Variants in KALRN observed in about 807,000 individuals in gnomAD.
KALRN encodes kalirin RhoGEF kinase, also known as kalirin.
In KALRN, 70 loss-of-function variants were observed where a neutral mutation model predicts 353.7. That is an observed-to-expected ratio of 0.20 (90% CI 0.16 to 0.24). The LOEUF is 0.24. Among genes scored for constraint, KALRN ranks in the 10% least tolerant of loss-of-function variants. The pLI is 1.00. For missense variants in KALRN, 2,791 were observed against 3,756.7 expected (o/e 0.74, Z 6.72); for synonymous variants, 1,391 against 1,434.8 (o/e 0.97, Z 0.69).
chr3:124,142,853 TCTC>T (rs1451089267), intron 1 of KALRN, among the ~76,000 whole-genome samples: 13 of 152,072 alleles, frequency 8.5e-5, no homozygotes, highest in Admixed American at 7.9e-4. Flanking sequence ...TACTCCTCCT[TCTC>T]CTCCTCCTCC....
chr3:124,229,655 A>G (rs2078945081), intron 2 of KALRN, among the ~76,000 whole-genome samples: 1 of 152,260 alleles, frequency 6.6e-6, no homozygotes, highest in African/African-American at 2.4e-5. Context: ...GTTAAGCAGC[A>G]GTTGTCTCCC....
chr3:124,439,170 C>CTTT, intron 18 of KALRN, 133 bp downstream of exon 18: 5 of 752,046 alleles, frequency 6.6e-6, no homozygotes, highest in Non-Finnish European at 2.1e-6. Flanking sequence ...TCTTTCTCCT[C>CTTT]CTCCTCCTTC....
chr3:124,395,681 AG>A (rs1426836622), intron 12 of KALRN: 8 of 296,720 alleles, frequency 2.7e-5, no homozygotes, highest in Non-Finnish European at 5.2e-5. Context: ...GCAGAGAAAT[AG>A]ACATTATGGA....
intron 38 of KALRN, among the ~76,000 whole-genome samples, chr3:124,653,095 C>T (rs1442861010): frequency 6.6e-6 from 1 of 152,184 alleles, no homozygotes; most frequent in Admixed American, 6.5e-5. Flanking sequence ...TACTATATCT[C>T]ATCCTTATTC....
chr3:124,347,929 A>T (rs938004404), intron 10 of KALRN, among the ~76,000 whole-genome samples: 1 of 152,230 alleles, frequency 6.6e-6, no homozygotes, highest in Non-Finnish European at 1.5e-5. Flanking sequence ...TTATACAAAG[A>T]TGTTGTATGA....
chr3:124,674,828 AT>A lies in KALRN; in HGVS notation c.7193+219del, dbSNP rs2086968132. On this transcript the variant is annotated intron_variant, in intron 49 of 59. Coordinates refer to ENST00000682506, the MANE Select transcript of KALRN (RefSeq NM_001388419.1). ...AGTTTTTTAGTTGGTGGTGGCGATG[AT>A]TTTTCTTTCCTTTTGGTTTATAATT... is the stretch of plus-strand genomic sequence containing the variant. 3 of 434,070 alleles carry A rather than the reference AT, an allele frequency of 6.9e-6. No individual in the cohort carries two copies. The South Asian group carries it at 2.4e-4, about 34-fold the overall frequency. The allele number at this position is 434,070 out of a possible 1,614,324, so 26.9% of individuals were successfully genotyped here.
intron 34 of KALRN, among the ~76,000 whole-genome samples, chr3:124,580,615 A>G (rs1246483414): frequency 6.6e-6 from 1 of 152,192 alleles, no homozygotes; most frequent in African/African-American, 2.4e-5. Context: ...CTGGTCACAT[A>G]TCTGATGTGG....
rs535102543 is a variant in KALRN at position 124,725,157 on chromosome 3, A to G, written c.*5687A>G. 6.6e-6 allele frequency: 1 copy of G among 152,358 alleles called. No individual in the cohort carries two copies. Among genetic ancestry groups the G allele is most frequent in the South Asian group, 2.1e-4 (1 of 4,826 alleles). 9.4% of individuals were successfully genotyped at this position (152,358 alleles called of 1,614,324 possible). On this transcript the variant is annotated 3_prime_UTR_variant, in exon 60 of 60. Transcript: ENST00000682506. Reference sequence around the variant, plus strand: ...CTGACTTCCATCAACAACTGAATCCATGTTCTGGAGTATTACAGAGACTGT... The same window carrying G: ...CTGACTTCCATCAACAACTGAATCCGTGTTCTGGAGTATTACAGAGACTGT...
In KALRN at chr3:124,302,847, G is replaced by A. The variant is rs538507014; in HGVS notation, c.1092+3934G>A. Among the ~76,000 whole-genome samples the A allele has an allele frequency of 3.9e-5, 6 of 152,254 alleles. No homozygotes were observed. In the South Asian group the frequency reaches 1.2e-3, roughly 32 times the overall value. On this transcript the variant is annotated intron_variant, in intron 6 of 59. Coordinates refer to ENST00000682506, the MANE Select transcript of KALRN (RefSeq NM_001388419.1). ...CTTTTCTCTGTGAGCACACACCCTG[G>A]TATCTCTCTGTATGTCTTAACCTCC...
chr3:124,231,812 A>G (rs1334734087), intron 2 of KALRN, among the ~76,000 whole-genome samples: 2 of 151,960 alleles, frequency 1.3e-5, no homozygotes. Flanking sequence ...TTGCAGATCT[A>G]TTGTTACATT....
intron 1 of KALRN, among the ~76,000 whole-genome samples, chr3:124,173,661 G>T (rs1185275668): frequency 6.6e-6 from 1 of 152,174 alleles, no homozygotes; most frequent in Non-Finnish European, 1.5e-5. Context: ...CTGTCACCAG[G>T]CTGGGGTGCA....
intron 3 of KALRN, among the ~76,000 whole-genome samples, chr3:124,243,868 C>T (rs1036548492): frequency 6.6e-6 from 1 of 152,190 alleles, no homozygotes; most frequent in African/African-American, 2.4e-5. Flanking sequence ...GGGCTGACAA[C>T]AACTGGCAGT....
chr3:124,286,278 C>T (rs1186897587), intron 5 of KALRN, among the ~76,000 whole-genome samples: 1 of 148,870 alleles, frequency 6.7e-6, no homozygotes, highest in Non-Finnish European at 1.5e-5. Context: ...TTTCTCCCTT[C>T]CTCTTCCCCT....
chr3:124,438,488 A>G (rs1428980363), intron 17 of KALRN, among the ~76,000 whole-genome samples: 2 of 152,002 alleles, frequency 1.3e-5, no homozygotes, highest in Admixed American at 1.3e-4. Flanking sequence ...TTACTATGGG[A>G]CAAGTACAGA....
intron 6 of KALRN, among the ~76,000 whole-genome samples, chr3:124,319,677 C>T (rs150259560): frequency 5.7e-4 from 87 of 151,612 alleles, no homozygotes; most frequent in African/African-American, 2.1e-3. Flanking sequence ...AAAGTTCCCA[C>T]CATCATGTAT....
At chr3:124,148,891 C>G (rs2067716631) in intron 1 of KALRN, among the ~76,000 whole-genome samples, 1 of 152,118 alleles carries the variant, frequency 6.6e-6, no homozygotes, top group Non-Finnish European at 1.5e-5. Context: ...TAAAAGCTCA[C>G]AGAAAATCCA....
At chr3:124,420,820 A>G (rs1200044629) in intron 14 of KALRN, among the ~76,000 whole-genome samples, 2 of 152,128 alleles carry the variant, frequency 1.3e-5, no homozygotes, top group African/African-American at 2.4e-5. Flanking sequence ...GACTTTCCTT[A>G]TACTTCCCCA....
intron 6 of KALRN, among the ~76,000 whole-genome samples, chr3:124,318,876 T>C (rs1477758365): frequency 6.6e-6 from 1 of 152,212 alleles, no homozygotes; most frequent in African/African-American, 2.4e-5. Context: ...TTGACTGATA[T>C]CACACACATT....
intron 1 of KALRN, among the ~76,000 whole-genome samples, chr3:124,109,339 T>C (rs1287926694): frequency 2.0e-5 from 3 of 152,014 alleles, no homozygotes; most frequent in Non-Finnish European, 2.9e-5. Context: ...TATCCTCCAG[T>C]TTATTCTCTT....
Sources: allele counts gnomAD v4.1 joint callset (sites outside exome capture counted in the v4.1 genomes callset), GRCh38; gene constraint gnomAD v4.1.1; transcripts MANE v1.5; gene names NCBI Gene and HGNC (gene_info 2026-07-23, HGNC 2026-07-21).